Variants in TRPM7 observed in about 807,000 individuals in gnomAD.
TRPM7 encodes the protein LTRPC ion channel family member 7.
In TRPM7, 134 loss-of-function variants were observed where a neutral mutation model predicts 229.7. That is an observed-to-expected ratio of 0.58 (90% CI 0.51 to 0.67). The LOEUF is 0.67. Among genes scored for constraint, TRPM7 ranks in the 30% least tolerant of loss-of-function variants. The pLI, the probability that TRPM7 is intolerant of heterozygous loss-of-function variation, is 0.00. For synonymous variants in TRPM7, 699 were observed against 715.2 expected, an observed-to-expected ratio of 0.98 and a Z score of 0.36; for missense variants, 1,901 against 2,210.0, an observed-to-expected ratio of 0.86 and a Z score of 2.80.
chr15:50,634,503 C>T lies in TRPM7; in HGVS notation c.886G>A (p.Val296Ile). 1.3e-6 allele frequency: 2 copies of T among 1,572,332 alleles called. No homozygotes were observed. The highest frequency in any genetic ancestry group is 1.7e-6 in the Non-Finnish European group (2 of 1,163,284). ...AGGTATTCAAGAACTGTGAGGATAACATTTGGCCCACCCTCAAATATAAGT... is the reference window on the plus strand; with the variant it reads ...AGGTATTCAAGAACTGTGAGGATAATATTTGGCCCACCCTCAAATATAAGT... ...VALIFEGGPN[V>I]ILTVLEYLQE... is the part of the protein sequence containing the mutation. The change falls in exon 8 of 39, where the codon GTT (valine) becomes ATT (isoleucine). Residue 296 changes from valine (V) to isoleucine (I), a missense_variant. Val to Ile is a conservative substitution (Grantham distance 29, BLOSUM62 3). Around this residue, in one of 8 missense-constraint regions of TRPM7, gnomAD observed 794 missense variants for 881.9 expected, o/e 0.90. Coordinates refer to ENST00000646667, the MANE Select transcript of TRPM7 (RefSeq NM_017672.6).
Position 50,560,932 on chromosome 15 carries a change from G to A in TRPM7, c.*746C>T, listed in dbSNP as rs1252050892. ...GTTAGGTTTCTGCTTTTATAATTTA[G>A]GTTATGTATCAGTTTACCATGGCTT... On this transcript the variant is annotated 3_prime_UTR_variant, in exon 39 of 39. Coordinates refer to ENST00000646667, the MANE Select transcript of TRPM7 (RefSeq NM_017672.6). 1 of 152,350 alleles carries A rather than the reference G, an allele frequency of 6.6e-6. No individual in the cohort carries two copies. Among genetic ancestry groups the A allele is most frequent in the Non-Finnish European group, 1.5e-5 (1 of 67,994 alleles). The allele number at this position is 152,350 out of a possible 1,614,324, so 9.4% of individuals were successfully genotyped here. A position where few individuals can be genotyped will look rare whatever the true frequency, so the allele number is the denominator to read the frequency against.
At chr15:50,593,375 T>G (rs1178096361) in intron 25 of TRPM7, among the ~76,000 whole-genome samples, 7 of 152,038 alleles carry the variant, frequency 4.6e-5, no homozygotes, top group Non-Finnish European at 7.4e-5. Context: ...CTTTTCTCCC[T>G]CCAAACAGTA....
intron 3 of TRPM7, among the ~76,000 whole-genome samples, 159 bp from the exon 4 acceptor site, chr15:50,649,044 A>C (rs2061345782): frequency 6.6e-6 from 1 of 152,178 alleles, no homozygotes; most frequent in Non-Finnish European, 1.5e-5. Context: ...TCTATATATT[A>C]ATACCTTCAT....
intron 4 of TRPM7, among the ~76,000 whole-genome samples, chr15:50,647,464 G>A (rs1010173806): frequency 1.1e-4 from 17 of 151,594 alleles, no homozygotes; most frequent in Admixed American, 2.0e-4. Flanking sequence ...CAGAAAAACA[G>A]GCCGGGCACA....
chr15:50,678,102 G>T (rs1214870948), intron 1 of TRPM7, among the ~76,000 whole-genome samples: 2 of 151,694 alleles, frequency 1.3e-5, no homozygotes, highest in East Asian at 1.9e-4. Flanking sequence ...TCAGCCGGGC[G>T]TGGTGGTGGG....
intron 22 of TRPM7, among the ~76,000 whole-genome samples, chr15:50,598,670 G>C (rs2059694891): frequency 6.6e-6 from 1 of 152,202 alleles, no homozygotes; most frequent in South Asian, 2.1e-4. Context: ...AGGTTCAAAA[G>C]GGAATTTCTA....
rs770052338 is a variant in TRPM7 at position 50,611,163 on chromosome 15, G to A, written c.2210C>T (p.Thr737Ile). 4.3e-6 allele frequency: 7 copies of A among 1,613,766 alleles called. No homozygotes were observed. Among genetic ancestry groups the A allele is most frequent in the Non-Finnish European group, 5.9e-6 (7 of 1,179,916 alleles). ...SSRLRPFVAHTCTQMLLSDMW... is the reference protein window; with the variant it reads ...SSRLRPFVAHICTQMLLSDMW... ...ATCAGATAACAACATTTGTGTACAG[G>A]TGTGAGCTACAAAAGGTCTAAGTCT... Residue 737 changes from threonine to isoleucine, a missense_variant, in exon 17 of 39, where the codon ACC (threonine) becomes ATC (isoleucine). Transcript: ENST00000646667.
chr15:50,658,856 C>A (rs1026883242), intron 2 of TRPM7, among the ~76,000 whole-genome samples: 4 of 152,170 alleles, frequency 2.6e-5, no homozygotes, highest in African/African-American at 9.7e-5. Flanking sequence ...TAAGAGATTA[C>A]TAAAACAAAT....
At position 50,612,568 on chromosome 15, in the gene TRPM7, C is replaced by G; in HGVS notation, c.2032G>C (p.Glu678Gln). ...ACTTACTTGGAATACTGTTTTAGTT[C>G]TTCTGAAGTATCATCTACCAGGTCA... is the stretch of plus-strand genomic sequence containing the variant. ...QSDLVDDTSE[E>Q]LKQYSNDFGQ... Residue 678 changes from glutamate to glutamine, a missense_variant, in exon 16 of 39, where the codon GAA (glutamate) becomes CAA (glutamine). Coordinates refer to ENST00000646667, the MANE Select transcript of TRPM7 (RefSeq NM_017672.6). The G allele has an allele frequency of 6.2e-7, 1 of 1,611,586 alleles. No individual in the cohort carries two copies. The highest frequency in any genetic ancestry group is 8.5e-7 in the Non-Finnish European group (1 of 1,178,534).
At chr15:50,639,733 A>AT (rs553888440) in intron 5 of TRPM7, among the ~76,000 whole-genome samples, 185 bp from the exon 6 acceptor site, 28,499 of 140,038 alleles carry the variant, frequency 0.2, 3,098 homozygotes, top group Admixed American at 0.32. Context: ...CAGCCGGCTA[A>AT]TTTTTTTTTT....
intron 1 of TRPM7, among the ~76,000 whole-genome samples, chr15:50,666,225 C>T (rs1031447705): frequency 6.6e-6 from 1 of 152,036 alleles, no homozygotes. Flanking sequence ...TCACTTGAGT[C>T]CAGGAGTTTG....
intron 11 of TRPM7, 149 bp from the exon 12 acceptor site, chr15:50,624,449 A>G (rs1281544671): frequency 1.6e-6 from 1 of 629,350 alleles, no homozygotes; most frequent in Non-Finnish European, 2.5e-6. Flanking sequence ...AAAAGCTAAT[A>G]AGACTTTAGG....
intron 5 of TRPM7, 118 bp from the exon 6 acceptor site, chr15:50,639,666 A>C: frequency 1.2e-6 from 1 of 821,546 alleles, no homozygotes; most frequent in Non-Finnish European, 1.8e-6. Context: ...TCCTGGACTC[A>C]AGCGATCCTC....
chr15:50,642,713 T>C (rs1056854479), intron 5 of TRPM7, among the ~76,000 whole-genome samples: 7 of 152,294 alleles, frequency 4.6e-5, no homozygotes, highest in Admixed American at 1.3e-4. Context: ...CTTTATAAAT[T>C]ACCAAGTCTC....
chr15:50,576,068 C>T, intron 31 of TRPM7, 149 bp from the exon 32 acceptor site: 2 of 752,942 alleles, frequency 2.7e-6, no homozygotes, highest in Non-Finnish European at 4.3e-6. Context: ...AATATGTCCA[C>T]TGTGCTATAT....
intron 17 of TRPM7, 26 bp from the exon 18 acceptor site, chr15:50,609,987 C>G: frequency 6.7e-7 from 1 of 1,483,814 alleles, no homozygotes; most frequent in Non-Finnish European, 9.1e-7. Context: ...CATAATTTTG[C>G]ATTTAAAAAT....
chr15:50,574,574 TG>T, intron 35 of TRPM7, 62 bp downstream of exon 35: 1 of 1,553,938 alleles, frequency 6.4e-7, no homozygotes, highest in South Asian at 1.2e-5. Flanking sequence ...ACATCAAAAA[TG>T]AAGGTCAAAA....
intron 30 of TRPM7, among the ~76,000 whole-genome samples, chr15:50,580,642 A>G (rs539083234): frequency 2.2e-4 from 33 of 152,336 alleles, no homozygotes; most frequent in African/African-American, 7.2e-4. Flanking sequence ...GGAAGACCTT[A>G]GTAGAGTTGT....
Position 50,575,731 on chromosome 15 carries a change from A to G in TRPM7, c.4728T>C (p.Pro1576=), listed in dbSNP as rs754945119. 1 of 1,611,158 alleles carries G rather than the reference A, an allele frequency of 6.2e-7. No individual in the cohort carries two copies. Among genetic ancestry groups the G allele is most frequent in the Non-Finnish European group, 8.5e-7 (1 of 1,179,036 alleles). The change falls in exon 33 of 39, where the codon CCT becomes CCC. Residue 1576 remains proline, a synonymous_variant. Transcript: ENST00000646667. ...TTTAATTTTTGGATTTACCTCTTGG[A>G]GGCACAGGTGTAAATGGAATGCTCT... ...LSQSIPFTPV[P]PRGEPVTVYR... is the part of the protein sequence containing the mutation.
Sources: gnomAD v4.1 joint callset for allele counts (sites outside exome capture counted in the v4.1 genomes callset) on GRCh38, gnomAD v4.1.1 for gene constraint, gnomAD v4.1.1 regional missense constraint, MANE v1.5 for transcripts, NCBI Gene and HGNC (gene_info 2026-07-23, HGNC 2026-07-21) for gene names.